The following PCDH15 variants were observed in gnomAD, a reference collection of about 807,000 sequenced individuals.
The protein encoded by PCDH15 is protocadherin-15.
A neutral mutation model predicts 178.5 loss-of-function variants in PCDH15; 129 were observed. That is an observed-to-expected ratio of 0.72 (90% CI 0.63 to 0.84). The LOEUF (loss-of-function observed/expected upper bound fraction) is 0.84. PCDH15 is among the 40% of genes least tolerant of loss of function. The pLI, the probability that PCDH15 is intolerant of heterozygous loss-of-function variation, is 0.00. For missense variants in PCDH15, 2,230 were observed against 2,099.9 expected (o/e 1.06, Z -1.21); for synonymous variants, 800 against 732.0 (o/e 1.09, Z -1.50).
chr10:54,519,637 C>A (rs1200632082), intron 3 of PCDH15, among the ~76,000 whole-genome samples: 2 of 152,066 alleles, frequency 1.3e-5, no homozygotes, highest in African/African-American at 4.8e-5. Flanking sequence ...GCCATACTGC[C>A]CAAGGTAATT....
intron 5 of PCDH15, among the ~76,000 whole-genome samples, chr10:54,368,149 G>T (rs1031775344): frequency 1.3e-5 from 2 of 151,824 alleles, no homozygotes; most frequent in African/African-American, 2.4e-5. Context: ...GAAAGTCTCA[G>T]ATTACAAGGA....
chr10:54,709,595 TATATATATATATATAC>T (rs1008584083), intron 1 of PCDH15, among the ~76,000 whole-genome samples: 11 of 121,226 alleles, frequency 9.1e-5, no homozygotes, highest in African/African-American at 1.4e-4. Context: ...AAATAATTCA[TATATATATATATATAC>T]ATATATATAT....
chr10:55,533,483 G>T (rs12415865), intron 2 of PCDH15, among the ~76,000 whole-genome samples: 2 of 151,750 alleles, frequency 1.3e-5, no homozygotes, highest in African/African-American at 4.8e-5. Flanking sequence ...TACAATAGCC[G>T]CAAATAAAAT....
intron 2 of PCDH15, among the ~76,000 whole-genome samples, chr10:54,963,370 T>G (rs1260063437): frequency 6.6e-6 from 1 of 152,068 alleles, no homozygotes; most frequent in Non-Finnish European, 1.5e-5. Flanking sequence ...GGAAATAGAT[T>G]GGGTTGAACC....
intron 2 of PCDH15, among the ~76,000 whole-genome samples, chr10:55,602,446 A>G (rs1843108865): frequency 6.6e-6 from 1 of 151,954 alleles, no homozygotes; most frequent in South Asian, 2.1e-4. Context: ...GGCACAGACA[A>G]ACAAAAAGAC....
At chr10:54,083,603 T>C (rs2094469358) in intron 16 of PCDH15, among the ~76,000 whole-genome samples, 1 of 152,136 alleles carries the variant, frequency 6.6e-6, no homozygotes, top group Admixed American at 6.6e-5. Context: ...GTACGCAGAT[T>C]GGTGTTTGCC....
chr10:55,111,921 A>G (rs1046057571), intron 2 of PCDH15, among the ~76,000 whole-genome samples: 3 of 152,232 alleles, frequency 2.0e-5, no homozygotes, highest in Non-Finnish European at 4.4e-5. Flanking sequence ...TGTGTTTCAC[A>G]TTATGATTAC....
intron 2 of PCDH15, among the ~76,000 whole-genome samples, chr10:55,379,107 G>GATATAT (rs58819126): frequency 5.3e-4 from 79 of 148,522 alleles, no homozygotes; most frequent in African/African-American, 1.8e-3. Flanking sequence ...CACATACATT[G>GATATAT]ATATATATAT....
At chr10:55,084,168 A>G (rs1842106691) in intron 2 of PCDH15, among the ~76,000 whole-genome samples, 1 of 151,922 alleles carries the variant, frequency 6.6e-6, no homozygotes, top group Non-Finnish European at 1.5e-5. Flanking sequence ...GCTGACTTCA[A>G]ATTAATACCA....
At chr10:55,486,753 T>G (rs1184196398) in intron 2 of PCDH15, among the ~76,000 whole-genome samples, 1 of 151,192 alleles carries the variant, frequency 6.6e-6, no homozygotes, top group Non-Finnish European at 1.5e-5. Flanking sequence ...GTCATCCTCC[T>G]GCCTCTGCCT....
chr10:55,603,004 A>C (rs1251713607), intron 2 of PCDH15, among the ~76,000 whole-genome samples: 3 of 152,090 alleles, frequency 2.0e-5, no homozygotes, highest in African/African-American at 4.8e-5. Context: ...AATTTAGAAG[A>C]ATGTATAACT....
At chr10:53,868,403 G>A (rs2079600987) in intron 26 of PCDH15, among the ~76,000 whole-genome samples, 1 of 151,900 alleles carries the variant, frequency 6.6e-6, no homozygotes, top group Non-Finnish European at 1.5e-5. Context: ...ATAAAAAACT[G>A]AGGAATATAT....
upstream of PCDH15, among the ~76,000 whole-genome samples, chr10:55,320,705 AG>A: frequency 6.6e-6 from 1 of 152,324 alleles, no homozygotes; most frequent in South Asian, 2.1e-4. Flanking sequence ...AAATGATGCC[AG>A]TTGACTGAAC....
chr10:55,051,643 T>G (rs571995775), intron 2 of PCDH15, among the ~76,000 whole-genome samples: 2 of 152,296 alleles, frequency 1.3e-5, no homozygotes, highest in African/African-American at 4.8e-5. Context: ...AATAAAATCA[T>G]AGATGTTTAT....
At position 53,840,313 on chromosome 10, in the gene PCDH15, CACTT is replaced by C; in HGVS notation, c.3983+3_3983+6del. On this transcript the variant is annotated splice_donor_5th_base_variant and intron_variant, in intron 29 of 37. Coordinates refer to ENST00000644397, the MANE Select transcript of PCDH15 (RefSeq NM_001384140.1). ...AAGAGCTGTTACAGATAACAAAAAGCACTTACTTAAAAAGCTCATTTCTATCGAT... is the reference window on the plus strand; with the variant it reads ...AAGAGCTGTTACAGATAACAAAAAGCACTTAAAAAGCTCATTTCTATCGAT... 1.2e-6 allele frequency: 2 copies of C among 1,613,460 alleles called. No homozygotes were observed. The highest frequency in any genetic ancestry group is 2.7e-5 in the African/African-American group (2 of 74,916).
intron 2 of PCDH15, among the ~76,000 whole-genome samples, chr10:55,370,710 A>G (rs979308917): frequency 2.0e-5 from 3 of 152,152 alleles, no homozygotes; most frequent in Non-Finnish European, 2.9e-5. Flanking sequence ...AAAGTAAATC[A>G]GAAGTGTACC....
chr10:55,613,017 A>ATTTTTTTTTTTTTTTTTTTT (rs34403286), intron 2 of PCDH15, among the ~76,000 whole-genome samples: 1 of 82,388 alleles, frequency 1.2e-5, no homozygotes, highest in Non-Finnish European at 2.4e-5. Context: ...TACTAGCCAG[A>ATTTTTTTTTTTTTTTTTTTT]TTTTTTTTTT....
intron 5 of PCDH15, among the ~76,000 whole-genome samples, chr10:54,348,707 TA>T (rs1344427733): frequency 6.6e-6 from 1 of 152,180 alleles, no homozygotes; most frequent in African/African-American, 2.4e-5. Flanking sequence ...TGAGAGCACT[TA>T]AAAAATCTAT....
At chr10:54,680,545 C>T (rs369402862) in intron 1 of PCDH15, among the ~76,000 whole-genome samples, 3 of 152,004 alleles carry the variant, frequency 2.0e-5, no homozygotes, top group East Asian at 1.9e-4. Context: ...GAGTGATATG[C>T]TTTGGTTGTG....
Sources: allele counts gnomAD v4.1 joint callset (sites outside exome capture counted in the v4.1 genomes callset), GRCh38; gene constraint gnomAD v4.1.1; transcripts MANE v1.5; gene names NCBI Gene and HGNC (gene_info 2026-07-23, HGNC 2026-07-21).